LRTM2: variants seen among roughly 807,000 people sequenced by gnomAD.
LRTM2 encodes the protein leucine rich repeat transmembrane protein 2, also known as leucine-rich repeat and transmembrane domain-containing protein 2.
Under a neutral mutation model 28.1 loss-of-function variants are expected in LRTM2, and 18 were observed. That is an observed-to-expected ratio of 0.64 (90% confidence interval 0.44 to 0.95). The LOEUF is 0.95. LRTM2 is among the 40% of genes least tolerant of loss of function. The pLI is 0.00. For missense variants in LRTM2, 436 were observed against 497.2 expected, an observed-to-expected ratio of 0.88 and a Z score of 1.17; for synonymous variants, 250 against 218.7, an observed-to-expected ratio of 1.14 and a Z score of -1.26.
rs935978929 is a variant in LRTM2, at chr12:1,820,843, A to G, written c.-259+29A>G. On this transcript the variant is annotated intron_variant, in intron 1 of 4. Coordinates refer to ENST00000299194, the MANE Select transcript of LRTM2 (RefSeq NM_001039029.3). The surrounding 1 kb of genome is among the most constrained non-coding windows in gnomAD (Gnocchi z 6.0). ...AGTACCGAGTGGCTGGTAGGAAGGA[A>G]TGGAGGGTTGGTGGGGACAGGGGGT... 1 of 151,488 alleles carries G rather than the reference A, an allele frequency of 6.6e-6. No homozygotes were observed. Among genetic ancestry groups the G allele is most frequent in the Non-Finnish European group, 1.5e-5 (1 of 67,850 alleles). 9.4% of individuals were successfully genotyped at this position (151,488 alleles called of 1,614,324 possible).
rs151330218 is a variant in LRTM2, at chr12:1,827,967, C to T, written c.-73-109C>T. On this transcript the variant is annotated intron_variant, in intron 2 of 4. Transcript: ENST00000299194. ...CCCAGGGAATCATAACTGAGAGGAA[C>T]AGGAGAGGGCATGAGGAGTGTAAAG... 18 of 439,840 alleles carry T rather than the reference C, an allele frequency of 4.1e-5. No homozygotes were observed. The East Asian group carries it at 5.6e-4, about 14-fold the overall frequency. 27.2% of individuals were successfully genotyped at this position (439,840 alleles called of 1,614,324 possible). A position where few individuals can be genotyped will look rare whatever the true frequency, so the allele number is the denominator to read the frequency against.
chr12:1,834,511 G>T lies in LRTM2; in HGVS notation c.903G>T (p.Pro301=). The change falls in exon 5 of 5, where the codon CCG becomes CCT. Residue 301 remains proline, a synonymous_variant. Transcript: ENST00000299194. The surrounding 1 kb of genome is among the most constrained non-coding windows in gnomAD (Gnocchi z 7.6). ...GCCCACAGAAGCAGAGGCACCGGCC[G>T]GCGAGCGTGAGGCGAGCCATGGGCA... ...TACPQKQRHR[P]ASVRRAMGTV... is the part of the protein sequence containing the mutation. 6.2e-7 allele frequency: 1 copy of T among 1,606,740 alleles called. No homozygotes were observed. Among genetic ancestry groups the T allele is most frequent in the Non-Finnish European group, 8.5e-7 (1 of 1,179,860 alleles).
chr12:1,829,112 G>A lies in LRTM2; in HGVS notation c.67+897G>A, dbSNP rs563385505. Among the ~76,000 whole-genome samples, 26 of 152,310 alleles carry A rather than the reference G, an allele frequency of 1.7e-4. No individual in the cohort carries two copies. Among genetic ancestry groups the A allele is most frequent in the East Asian group, 5.8e-4 (3 of 5,182 alleles). On this transcript the variant is annotated intron_variant, in intron 3 of 4. Transcript: ENST00000299194. This position sits in a 1 kb window ranked among gnomAD's most constrained non-coding sequence, Gnocchi z 4.2. ...AGAATCACTCAACACCTCGCAATAC[G>A]GGCTTATGTTTTCTTGTCACTGGAG...
At chr12:1,827,035 G>T (rs1864361036) in intron 1 of LRTM2, among the ~76,000 whole-genome samples, 1 of 152,226 alleles carries the variant, frequency 6.6e-6, no homozygotes, top group African/African-American at 2.4e-5. Flanking sequence ...GGCAACCAAG[G>T]AAGGTCAGAG....
At position 1,834,254 on chromosome 12, in the gene LRTM2, C is replaced by T. The variant is rs1210832802; in HGVS notation, c.659-13C>T. The T allele has an allele frequency of 2.6e-6, 4 of 1,537,912 alleles. No homozygotes were observed. The highest frequency in any genetic ancestry group is 2.5e-5 in the South Asian group (2 of 78,888). ...ATGCCTGGTCAGCCCCTCTTTTTCTCTTCTGCATGTAGGGGGACGCTTGGA... is the reference window on the plus strand; with the variant it reads ...ATGCCTGGTCAGCCCCTCTTTTTCTTTTCTGCATGTAGGGGGACGCTTGGA... On this transcript the variant is annotated splice_polypyrimidine_tract_variant and intron_variant, in intron 4 of 4. Transcript: ENST00000299194. The surrounding 1 kb of genome is among the most constrained non-coding windows in gnomAD (Gnocchi z 7.6).
At chr12:1,822,571 G>A (rs1199285697) in intron 1 of LRTM2, among the ~76,000 whole-genome samples, 1 of 152,224 alleles carries the variant, frequency 6.6e-6, no homozygotes, top group Non-Finnish European at 1.5e-5. Flanking sequence ...AGGCTTCTCT[G>A]TTCTGCTTCC....
Position 1,831,212 on chromosome 12 carries a change from G to A in LRTM2, c.345G>A (p.Leu115=). 1.1e-5 allele frequency: 17 copies of A among 1,613,840 alleles called. No individual in the cohort carries two copies. The highest frequency in any genetic ancestry group is 1.4e-5 in the Non-Finnish European group (16 of 1,180,032). The part of the protein sequence containing the change: ...DRLPRSIFGD[L]TNLTELQLRN... ...TGCCCCGCTCCATTTTCGGGGACCT[G>A]ACGAATCTGACTGAGCTTCAGCTGC... The change falls in exon 4 of 5, where the codon CTG becomes CTA. Residue 115 remains leucine (L), a synonymous_variant. Transcript: ENST00000299194.
chr12:1,834,229 A>G lies in LRTM2; in HGVS notation c.659-38A>G, dbSNP rs1287504220. On this transcript the variant is annotated intron_variant, in intron 4 of 4. Coordinates refer to ENST00000299194, the MANE Select transcript of LRTM2 (RefSeq NM_001039029.3). The surrounding 1 kb of genome is among the most constrained non-coding windows in gnomAD (Gnocchi z 7.6). ...TGGGGAGAGGGAGTGCAAGTTCTAG[A>G]TGCCTGGTCAGCCCCTCTTTTTCTC... 2 of 1,518,890 alleles carry G rather than the reference A, an allele frequency of 1.3e-6. No individual in the cohort carries two copies. The highest frequency in any genetic ancestry group is 1.8e-6 in the Non-Finnish European group (2 of 1,133,374). 94.1% of individuals were successfully genotyped at this position (1,518,890 alleles called of 1,614,324 possible).
In LRTM2 at chr12:1,831,359, G is replaced by T. The variant is rs1188453115; in HGVS notation, c.492G>T (p.Leu164=). ...CCCCTGGTCTTTTCGACGGGCTCCT[G>T]GCTCTGCGCTCCCTCTCGCTTCGCT... ...QLPPGLFDGL[L]ALRSLSLRSN... The change falls in exon 4 of 5, where the codon CTG becomes CTT. Residue 164 remains leucine (L), a synonymous_variant. Coordinates refer to ENST00000299194, the MANE Select transcript of LRTM2 (RefSeq NM_001039029.3). The T allele has an allele frequency of 1.2e-6, 2 of 1,613,934 alleles. No homozygotes were observed. Among genetic ancestry groups the T allele is most frequent in the Non-Finnish European group, 1.7e-6 (2 of 1,180,034 alleles).
intron 1 of LRTM2, among the ~76,000 whole-genome samples, chr12:1,821,683 C>T (rs149810071): frequency 0.012 from 1,758 of 152,224 alleles, 99 homozygotes; most frequent in Admixed American, 0.096. Context: ...GCATGGACAC[C>T]CTGAGTAGAG....
At position 1,831,049 on chromosome 12, in the gene LRTM2, C is replaced by T. The variant is rs541479878; in HGVS notation, c.182C>T (p.Thr61Met). Residue 61 changes from threonine (T) to methionine (M), a missense_variant, in exon 4 of 5, where the codon ACG (threonine) becomes ATG (methionine). Physicochemically the swap from Thr to Met is moderately conservative, Grantham distance 81. Transcript: ENST00000299194. ...GACTGCAGTGGCCTTGGCCTCACCA[C>T]GGTGCCCCCAGACGTGCCCGCAGCC... ...EVDCSGLGLT[T>M]VPPDVPAATR... 1.3e-5 allele frequency: 21 copies of T among 1,614,108 alleles called. No individual in the cohort carries two copies. Among genetic ancestry groups the T allele is most frequent in the Admixed American group, 8.3e-5 (5 of 60,026 alleles).
chr12:1,832,215 T>A (rs1592693586), intron 4 of LRTM2, among the ~76,000 whole-genome samples: 1 of 152,208 alleles, frequency 6.6e-6, no homozygotes, highest in East Asian at 1.9e-4. Flanking sequence ...CAGGTCTGCG[T>A]CTGAATTTCG....
At chr12:1,822,471 G>A (rs924016771) in intron 1 of LRTM2, among the ~76,000 whole-genome samples, 2 of 146,012 alleles carry the variant, frequency 1.4e-5, no homozygotes, top group African/African-American at 5.1e-5. Flanking sequence ...CCCAGCCCCA[G>A]GGACACCACC....
Position 1,831,112 on chromosome 12 carries a change from C to T in LRTM2, c.245C>T (p.Ala82Val). The change falls in exon 4 of 5, where the codon GCC becomes GTC. Residue 82 changes from alanine to valine, a missense_variant. By Grantham distance (64) the Ala-to-Val change is moderately conservative. Transcript: ENST00000299194. ...TTGCTCTTGAACAATAAGCTGAGTG[C>T]CCTGCCAAGCTGGGCTTTCGCCAAC... Reference protein sequence around the residue: ...TLLLLNNKLSALPSWAFANLS... With the variant: ...TLLLLNNKLSVLPSWAFANLS... 3.1e-6 allele frequency: 5 copies of T among 1,613,976 alleles called. No individual in the cohort carries two copies. Among genetic ancestry groups the T allele is most frequent in the South Asian group, 1.1e-5 (1 of 91,088 alleles).
At chr12:1,826,296 C>T (rs1373215724) in intron 1 of LRTM2, among the ~76,000 whole-genome samples, 1 of 152,100 alleles carries the variant, frequency 6.6e-6, no homozygotes, top group Non-Finnish European at 1.5e-5. Flanking sequence ...CATAGAAACT[C>T]CACCAAGCAG....
chr12:1,825,293 T>C (rs1162794724), intron 1 of LRTM2, among the ~76,000 whole-genome samples: 1 of 152,140 alleles, frequency 6.6e-6, no homozygotes, highest in Non-Finnish European at 1.5e-5. Context: ...GGCAGAAGCC[T>C]TAGGTGGAAA....
Position 1,825,682 on chromosome 12 carries a change from C to T in LRTM2, c.-258-1728C>T, listed in dbSNP as rs117875524. On this transcript the variant is annotated intron_variant, in intron 1 of 4. Transcript: ENST00000299194. Reference sequence around the variant, plus strand: ...TCTCTGTGGGTGTGTGTTTGCATCACGTGCTGTGTACAGAGCTCCAAGCAC... The same window carrying T: ...TCTCTGTGGGTGTGTGTTTGCATCATGTGCTGTGTACAGAGCTCCAAGCAC... Among the ~76,000 whole-genome samples, 40 of 152,302 alleles carry T rather than the reference C, an allele frequency of 2.6e-4. 1 individual carries two copies. In the East Asian group the frequency reaches 6.9e-3, roughly 26 times the overall value.
intron 1 of LRTM2, among the ~76,000 whole-genome samples, chr12:1,824,559 G>A (rs1864240122): frequency 6.6e-6 from 1 of 152,238 alleles, no homozygotes; most frequent in Non-Finnish European, 1.5e-5. Context: ...GTTAGGAGCA[G>A]GCCCAGCATC....
Position 1,828,206 on chromosome 12 carries a change from C to T in LRTM2, c.58C>T (p.Gln20Ter). The T allele has an allele frequency of 6.5e-7, 1 of 1,545,572 alleles. No individual in the cohort carries two copies. Among genetic ancestry groups the T allele is most frequent in the Non-Finnish European group, 8.7e-7 (1 of 1,144,586 alleles). Reference protein sequence around the residue: ...QRGRLALQWRQVSWITCWIAL... With the variant: ...QRGRLALQWR Reference sequence around the variant, plus strand: ...GGGCAGGCTCGCCCTGCAGTGGAGGCAAGTCTCCTGTGAGTACACCCCTGG... The same window carrying T: ...GGGCAGGCTCGCCCTGCAGTGGAGGTAAGTCTCCTGTGAGTACACCCCTGG... Residue 20 changes from glutamine to a stop codon, truncating the protein, a stop_gained, in exon 3 of 5, where the codon CAA becomes TAA. Coordinates refer to ENST00000299194, the MANE Select transcript of LRTM2 (RefSeq NM_001039029.3). LOFTEE classifies it high-confidence loss of function. The surrounding 1 kb of genome is among the most constrained non-coding windows in gnomAD (Gnocchi z 4.2).
Sources: allele counts gnomAD v4.1 joint callset (sites outside exome capture counted in the v4.1 genomes callset), GRCh38; gene constraint gnomAD v4.1.1; non-coding constraint Gnocchi (gnomAD v3.1); transcripts MANE v1.5; gene names NCBI Gene and HGNC (gene_info 2026-07-23, HGNC 2026-07-21).